RECK: variants seen among roughly 807,000 people sequenced by gnomAD.
The protein encoded by RECK is reversion-inducing cysteine-rich protein with Kazal motifs.
RECK carries 69 observed loss-of-function variants against 115.1 expected under a neutral mutation model. The ratio of observed to expected loss-of-function variants is 0.60; its 90% confidence interval spans 0.49 to 0.73. The LOEUF (loss-of-function observed/expected upper bound fraction) is 0.73. Among genes scored for constraint, RECK ranks in the 30% least tolerant of loss-of-function variants. The pLI is 0.00. For synonymous variants in RECK, 414 were observed against 419.7 expected (o/e 0.99, Z 0.17); for missense variants, 1,047 against 1,203.7 (o/e 0.87, Z 1.93).
At chr9:36,075,022 C>A (rs1822393958) in intron 6 of RECK, among the ~76,000 whole-genome samples, 2 of 152,326 alleles carry the variant, frequency 1.3e-5, no homozygotes, top group Admixed American at 1.3e-4. Context: ...CAGATCTTCT[C>A]CATGTTTTCC....
chr9:36,105,839 T>G (rs1349350638), intron 13 of RECK, among the ~76,000 whole-genome samples: 2 of 152,200 alleles, frequency 1.3e-5, no homozygotes, highest in Non-Finnish European at 2.9e-5. Flanking sequence ...GTCAATCCCT[T>G]TAGAATATAG....
At chr9:36,077,470 A>C (rs1272416370) in intron 6 of RECK, among the ~76,000 whole-genome samples, 1 of 152,210 alleles carries the variant, frequency 6.6e-6, no homozygotes, top group Non-Finnish European at 1.5e-5. Flanking sequence ...TTCATCAAAG[A>C]GGGAGATATG....
At chr9:36,078,993 T>C (rs1822574246) in intron 6 of RECK, among the ~76,000 whole-genome samples, 1 of 152,204 alleles carries the variant, frequency 6.6e-6, no homozygotes, top group Non-Finnish European at 1.5e-5. Flanking sequence ...CCTCCCAGGT[T>C]CAAGTGATTC....
intron 1 of RECK, among the ~76,000 whole-genome samples, chr9:36,043,699 C>T (rs1438237015): frequency 2.0e-5 from 3 of 152,058 alleles, no homozygotes; most frequent in Non-Finnish European, 2.9e-5. Flanking sequence ...TTTTGTATGA[C>T]GTGAGAGATG....
At chr9:36,099,720 A>G (rs1013206220) in intron 10 of RECK, among the ~76,000 whole-genome samples, 1 of 152,066 alleles carries the variant, frequency 6.6e-6, no homozygotes, top group African/African-American at 2.4e-5. Flanking sequence ...CCTGAGCTCA[A>G]GCTATCTTCC....
intron 8 of RECK, among the ~76,000 whole-genome samples, chr9:36,087,283 C>T (rs1823003093): frequency 6.6e-6 from 1 of 151,410 alleles, no homozygotes; most frequent in Admixed American, 6.6e-5. Context: ...AAATGTGGCA[C>T]ATCTACACCA....
chr9:36,104,859 T>G (rs1387246653), intron 12 of RECK, among the ~76,000 whole-genome samples: 2 of 152,210 alleles, frequency 1.3e-5, no homozygotes, highest in Non-Finnish European at 2.9e-5. Context: ...AAACTCTATG[T>G]TAGAGACTTG....
intron 2 of RECK, among the ~76,000 whole-genome samples, chr9:36,054,768 A>G (rs945245552): frequency 1.3e-5 from 2 of 152,134 alleles, no homozygotes; most frequent in Non-Finnish European, 2.9e-5. Flanking sequence ...GTTTTTGTAT[A>G]TGTCTTACCT....
chr9:36,055,377 T>C (rs1473989948), intron 2 of RECK, among the ~76,000 whole-genome samples: 1 of 152,158 alleles, frequency 6.6e-6, no homozygotes, highest in African/African-American at 2.4e-5. Flanking sequence ...AGGGACCCAA[T>C]AGATTATCTA....
intron 8 of RECK, among the ~76,000 whole-genome samples, chr9:36,084,444 C>T (rs906654688): frequency 7.2e-5 from 11 of 152,072 alleles, no homozygotes; most frequent in Admixed American, 6.6e-4. Context: ...CCTGTAATCC[C>T]AGCACTTTGG....
Position 36,120,437 on chromosome 9 carries a change from C to T in RECK, c.2465-226C>T, listed in dbSNP as rs904917052. Among the ~76,000 whole-genome samples the T allele has an allele frequency of 1.5e-4, 23 of 152,068 alleles. 1 individual carries two copies. The highest frequency in any genetic ancestry group is 6.2e-4 in the South Asian group (3 of 4,816). On this transcript the variant is annotated intron_variant, in intron 18 of 20. Transcript: ENST00000377966. ...TGCTATCTGCACCACAGCCTTCTCA[C>T]TCCAAGGAGTGGTGAAGGATGAAAA...
chr9:36,105,039 ACTCATGAGCT>A, intron 12 of RECK, 94 bp from the exon 13 acceptor site: 1 of 876,432 alleles, frequency 1.1e-6, no homozygotes, highest in South Asian at 1.9e-5. Flanking sequence ...CTTACTTTAC[ACTCATGAGCT>A]CTTCATTTAT....
chr9:36,062,325 C>G (rs1029840339), intron 4 of RECK, among the ~76,000 whole-genome samples: 2 of 152,012 alleles, frequency 1.3e-5, no homozygotes, highest in Non-Finnish European at 2.9e-5. Context: ...CCACACCTGG[C>G]TAATTTTGTA....
chr9:36,094,536 A>C lies in RECK; in HGVS notation c.1085+3193A>C, dbSNP rs1214950703. On this transcript the variant is annotated intron_variant, in intron 10 of 20. Coordinates refer to ENST00000377966, the MANE Select transcript of RECK (RefSeq NM_021111.3). This position sits in a 1 kb window ranked among gnomAD's most constrained non-coding sequence, Gnocchi z 4.1. ...AATAATACTTGATCCATCCAAAAGAAGACAGAAAGAAAAAGGAGACAAATT... is the reference window on the plus strand; with the variant it reads ...AATAATACTTGATCCATCCAAAAGACGACAGAAAGAAAAAGGAGACAAATT... Among the ~76,000 whole-genome samples the C allele has an allele frequency of 6.6e-6, 1 of 152,172 alleles. No individual in the cohort carries two copies. Among genetic ancestry groups the C allele is most frequent in the Non-Finnish European group, 1.5e-5 (1 of 68,002 alleles).
chr9:36,048,857 G>A lies in RECK; in HGVS notation c.101-3408G>A, dbSNP rs191167376. ...GCCACCCAGAATCAGCATCTACCCC[G>A]CAAGTTAAAGGGCATGGTCCCCAAC... On this transcript the variant is annotated intron_variant, in intron 1 of 20. Coordinates refer to ENST00000377966, the MANE Select transcript of RECK (RefSeq NM_021111.3). Among the ~76,000 whole-genome samples the A allele has an allele frequency of 2.7e-3, 417 of 152,046 alleles. 2 individuals carry two copies. The highest frequency in any genetic ancestry group is 9.4e-3 in the African/African-American group (390 of 41,452).
chr9:36,058,634 C>G (rs1435937984), intron 2 of RECK, among the ~76,000 whole-genome samples, 193 bp from the exon 3 acceptor site: 1 of 142,916 alleles, frequency 7.0e-6, no homozygotes, highest in Admixed American at 7.0e-5. Context: ...CACATGTACC[C>G]TAAAACTTAA....
chr9:36,099,452 CT>C (rs1311512014), intron 10 of RECK, among the ~76,000 whole-genome samples: 1 of 152,134 alleles, frequency 6.6e-6, no homozygotes, highest in Non-Finnish European at 1.5e-5. Flanking sequence ...CATAAAAATA[CT>C]TATATTAACA....
chr9:36,061,399 C>CACACACACACACAG (rs1193638205), intron 4 of RECK, among the ~76,000 whole-genome samples: 1 of 135,652 alleles, frequency 7.4e-6, no homozygotes, highest in African/African-American at 3.2e-5. Flanking sequence ...TTTCTACACA[C>CACACACACACACAG]ACACACACAC....
At chr9:36,084,925 C>T (rs1822888186) in intron 8 of RECK, among the ~76,000 whole-genome samples, 1 of 152,030 alleles carries the variant, frequency 6.6e-6, no homozygotes, top group South Asian at 2.1e-4. Flanking sequence ...CATGGTGGCA[C>T]ATAGCTGTAG....
Sources: gnomAD v4.1 joint callset for allele counts (sites outside exome capture counted in the v4.1 genomes callset) on GRCh38, gnomAD v4.1.1 for gene constraint, Gnocchi (gnomAD v3.1) non-coding constraint, MANE v1.5 for transcripts, NCBI Gene and HGNC (gene_info 2026-07-23, HGNC 2026-07-21) for gene names.